Variants in COG4 observed in about 807,000 individuals in gnomAD.
COG4 encodes the protein conserved oligomeric Golgi complex subunit 4.
COG4 carries 65 observed loss-of-function variants against 95.1 expected under a neutral mutation model. That is an observed-to-expected ratio of 0.68 (90% CI 0.56 to 0.84). COG4 has a LOEUF of 0.84. COG4 is among the 40% of genes least tolerant of loss of function. The probability of loss-of-function intolerance (pLI) is 0.00; values close to 1 mark genes in which losing one functional copy is unlikely to be tolerated. For synonymous variants in COG4, 421 were observed against 374.8 expected (o/e 1.12, Z -1.42); for missense variants, 1,045 against 989.1 (o/e 1.06, Z -0.76).
chr16:70,499,445 A>G (rs1470000150), intron 9 of COG4, among the ~76,000 whole-genome samples: 1 of 152,218 alleles, frequency 6.6e-6, no homozygotes, highest in Non-Finnish European at 1.5e-5. Flanking sequence ...CCCCTGCCAC[A>G]TATTATTGGC....
At chr16:70,481,946 T>C (rs555997818) in intron 16 of COG4, 81 bp from the exon 17 acceptor site, 3 of 1,415,736 alleles carry the variant, frequency 2.1e-6, no homozygotes, top group East Asian at 4.6e-5. Context: ...GTGAGGATAG[T>C]AGCGTGAGGC....
In COG4 at chr16:70,481,441, T is replaced by A. The variant is rs760742540; in HGVS notation, c.2153A>T (p.Tyr718Phe). 3 of 1,612,830 alleles carry A rather than the reference T, an allele frequency of 1.9e-6. No homozygotes were observed. The highest frequency in any genetic ancestry group is 2.2e-5 in the East Asian group (1 of 44,838). The change falls in exon 18 of 19, where the codon TAC (tyrosine) becomes TTC (phenylalanine). Residue 718 changes from tyrosine to phenylalanine, a missense_variant. Tyr to Phe is a conservative substitution (Grantham distance 22). Coordinates refer to ENST00000323786, the MANE Select transcript of COG4 (RefSeq NM_015386.3). ...GGTCCAGGTGGTCACCGTGGTAAGG[T>A]AGGCAATGAGCGACCTCAGCTCCTT... ...FDKELRSLIA[Y>F]LTTVTTWTIR...
chr16:70,500,834 C>T (rs2049433574), intron 9 of COG4, 124 bp downstream of exon 9: 2 of 1,201,954 alleles, frequency 1.7e-6, no homozygotes, highest in Non-Finnish European at 2.4e-6. Context: ...GTCAATTTGC[C>T]TACAGACCAC....
intron 12 of COG4, among the ~76,000 whole-genome samples, chr16:70,495,074 C>A (rs1018728246): frequency 1.1e-4 from 16 of 152,166 alleles, no homozygotes; most frequent in Admixed American, 3.9e-4. Flanking sequence ...GCTCTGAACT[C>A]TTTTGGGGGT....
intron 11 of COG4, 120 bp downstream of exon 11, chr16:70,497,101 G>A (rs900781617): frequency 9.1e-6 from 9 of 993,260 alleles, no homozygotes; most frequent in Admixed American, 1.9e-5. Context: ...AGGGATAGGA[G>A]CTGATGTCCT....
chr16:70,520,309 G>T (rs1376571043), intron 1 of COG4, among the ~76,000 whole-genome samples: 1 of 149,736 alleles, frequency 6.7e-6, no homozygotes, highest in Non-Finnish European at 1.5e-5. Context: ...CGGGTGTGGT[G>T]GCGGGCGCCT....
chr16:70,497,801 A>G (rs1035593744), intron 10 of COG4, 136 bp downstream of exon 10: 10 of 770,118 alleles, frequency 1.3e-5, no homozygotes, highest in Middle Eastern at 3.2e-4. Flanking sequence ...TAAACATACA[A>G]AGTGGTACCA....
intron 1 of COG4, among the ~76,000 whole-genome samples, chr16:70,522,065 T>G (rs1450625383): frequency 4.1e-5 from 6 of 147,260 alleles, no homozygotes; most frequent in Non-Finnish European, 8.9e-5. Flanking sequence ...TGGCGCTATC[T>G]TGGTTCACTG....
intron 1 of COG4, among the ~76,000 whole-genome samples, chr16:70,522,383 T>C (rs375449356): frequency 6.6e-6 from 1 of 152,170 alleles, no homozygotes; most frequent in Non-Finnish European, 1.5e-5. Context: ...TGTGCGCCTC[T>C]GGTTTCATCC....
Position 70,509,298 on chromosome 16 carries a change from A to C in COG4, c.935T>G (p.Val312Gly), listed in dbSNP as rs1359780890. 5.0e-6 allele frequency: 8 copies of C among 1,613,990 alleles called. No homozygotes were observed. Among genetic ancestry groups the C allele is most frequent in the Non-Finnish European group, 6.8e-6 (8 of 1,180,008 alleles). ...CTTCTCCACCTGTCTGTCACATTCC[A>C]CCTGCAGATATTTGATCAGGGTATA... ...RLYTLIKYLQ[V>G]ECDRQVEKVV... The change falls in exon 7 of 19, where the codon GTG (valine) becomes GGG (glycine). Residue 312 changes from valine (V) to glycine (G), a missense_variant. By Grantham distance (109) the Val-to-Gly change is moderately radical (BLOSUM62 -3). Coordinates refer to ENST00000323786, the MANE Select transcript of COG4 (RefSeq NM_015386.3).
intron 5 of COG4, among the ~76,000 whole-genome samples, chr16:70,510,579 C>T (rs1200773514): frequency 1.3e-5 from 2 of 152,206 alleles, no homozygotes; most frequent in East Asian, 3.9e-4. Context: ...CTTGCCTCAG[C>T]ATCCCAAAGT....
At chr16:70,493,553 C>G (rs919610482) in intron 12 of COG4, among the ~76,000 whole-genome samples, 2 of 152,072 alleles carry the variant, frequency 1.3e-5, no homozygotes, top group African/African-American at 4.8e-5. Flanking sequence ...AGTGAATGAA[C>G]ATATTCTGGA....
intron 12 of COG4, among the ~76,000 whole-genome samples, chr16:70,493,260 C>T (rs1263240048): frequency 1.3e-5 from 2 of 151,974 alleles, no homozygotes. Flanking sequence ...TGGATCTAGC[C>T]TGTTTTCTTC....
chr16:70,482,601 G>C, intron 15 of COG4, 128 bp downstream of exon 15: 3 of 764,916 alleles, frequency 3.9e-6, no homozygotes, highest in Non-Finnish European at 4.6e-6. Context: ...GTCTTCATGG[G>C]TCAGGGTGGG....
chr16:70,483,712 G>A, intron 14 of COG4, 141 bp downstream of exon 14: 3 of 774,100 alleles, frequency 3.9e-6, no homozygotes, highest in Admixed American at 1.7e-5. Flanking sequence ...CAAGGGACCT[G>A]CACAACTCCA....
At chr16:70,489,784 T>A (rs2049207898) in intron 13 of COG4, among the ~76,000 whole-genome samples, 1 of 152,062 alleles carries the variant, frequency 6.6e-6, no homozygotes, top group African/African-American at 2.4e-5. Flanking sequence ...AAGGGACTTG[T>A]CCAAGGTCAC....
chr16:70,509,983 C>A lies in COG4; in HGVS notation c.777G>T (p.Leu259=). The A allele has an allele frequency of 6.2e-7, 1 of 1,614,080 alleles. No homozygotes were observed. Among genetic ancestry groups the A allele is most frequent in the South Asian group, 1.1e-5 (1 of 91,080 alleles). Residue 259 remains leucine (L), a synonymous_variant, in exon 6 of 19, where the codon CTG becomes CTT. Transcript: ENST00000323786. Reference sequence around the variant, plus strand: ...CTCTCCGATCACTCATGTCTGTCCCCAGCACCATGAGCAGATTCTCCTCAG... The same window carrying A: ...CTCTCCGATCACTCATGTCTGTCCCAAGCACCATGAGCAGATTCTCCTCAG... ...SKAEENLLMV[L]GTDMSDRRAA... is the part of the protein sequence containing the mutation.
rs7919 is a variant in COG4, at chr16:70,480,925, A to C, written c.*85T>G. On this transcript the variant is annotated 3_prime_UTR_variant, in exon 19 of 19. Transcript: ENST00000323786. ...TGGGCTGTCAGATCTCCCCCAAGCCAGACAGCCTCGCTCAGCTCCTTGGCT... is the reference window on the plus strand; with the variant it reads ...TGGGCTGTCAGATCTCCCCCAAGCCCGACAGCCTCGCTCAGCTCCTTGGCT... 0.53 allele frequency: 816,200 copies of C among 1,541,022 alleles called. 219,358 individuals carry two copies. The highest frequency in any genetic ancestry group is 0.55 in the Non-Finnish European group (621,839 of 1,125,876).
At chr16:70,506,614 A>AC (rs2049577356) in intron 8 of COG4, among the ~76,000 whole-genome samples, 1 of 60,674 alleles carries the variant, frequency 1.6e-5, no homozygotes, top group Non-Finnish European at 3.2e-5. Context: ...AAAAAAAAAA[A>AC]AAACAAAAAA....
Sources: allele counts gnomAD v4.1 joint callset (sites outside exome capture counted in the v4.1 genomes callset), GRCh38; gene constraint gnomAD v4.1.1; transcripts MANE v1.5; gene names NCBI Gene and HGNC (gene_info 2026-07-23, HGNC 2026-07-21).